CPLX1: variants seen among roughly 807,000 people sequenced by gnomAD.
The protein encoded by CPLX1 is complexin-1.
Under a neutral mutation model 15.6 loss-of-function variants are expected in CPLX1, and 6 were observed. The ratio of observed to expected loss-of-function variants is 0.39; its 90% CI spans 0.21 to 0.76. The LOEUF (loss-of-function observed/expected upper bound fraction) is 0.76. Among genes scored for constraint, CPLX1 ranks in the 30% least tolerant of loss-of-function variants. The pLI is 0.43. For missense variants in CPLX1, 242 were observed against 188.6 expected, an observed-to-expected ratio of 1.28 and a Z score of -1.66; for synonymous variants, 91 against 75.2, an observed-to-expected ratio of 1.21 and a Z score of -1.08.
chr4:799,056 T>C (rs1254823599), intron 2 of CPLX1, among the ~76,000 whole-genome samples: 1 of 152,254 alleles, frequency 6.6e-6, no homozygotes, highest in Non-Finnish European at 1.5e-5. Context: ...GCCCTTGTTA[T>C]AATGTTGGGG....
At chr4:788,704 T>C (rs867007553) in intron 3 of CPLX1, among the ~76,000 whole-genome samples, 1 of 151,692 alleles carries the variant, frequency 6.6e-6, no homozygotes, top group Non-Finnish European at 1.5e-5. Context: ...CTTCGTCCTG[T>C]GGGGCCAGGG....
rs1577465516 is a variant in CPLX1, at chr4:786,467, C to T, written c.*34G>A. The T allele has an allele frequency of 6.6e-7, 1 of 1,512,678 alleles. No homozygotes were observed. Among genetic ancestry groups the T allele is most frequent in the Non-Finnish European group, 8.9e-7 (1 of 1,125,170 alleles). 93.7% of individuals were successfully genotyped at this position (1,512,678 alleles called of 1,614,324 possible). A position where few individuals can be genotyped will look rare whatever the true frequency, so the allele number is the denominator to read the frequency against. ...CGCGGAGGATCTGTAGGGGGAGGGGCGGGGGCTCCGCGGGGCCGCTGTCCC... is the reference window on the plus strand; with the variant it reads ...CGCGGAGGATCTGTAGGGGGAGGGGTGGGGGCTCCGCGGGGCCGCTGTCCC... On this transcript the variant is annotated 3_prime_UTR_variant, in exon 4 of 4. Transcript: ENST00000304062.
chr4:811,090 C>T (rs1262634557), intron 2 of CPLX1, among the ~76,000 whole-genome samples: 2 of 152,146 alleles, frequency 1.3e-5, no homozygotes, highest in Admixed American at 6.5e-5. Flanking sequence ...GCCTTGAACT[C>T]TTGGGCTTAA....
intron 2 of CPLX1, among the ~76,000 whole-genome samples, chr4:812,102 T>C (rs1277237849): frequency 6.6e-6 from 1 of 152,100 alleles, no homozygotes; most frequent in African/African-American, 2.4e-5. Flanking sequence ...TGAGACAGAG[T>C]CTTGCTCTGT....
chr4:795,059 G>C (rs893625821), intron 2 of CPLX1, among the ~76,000 whole-genome samples: 1 of 152,242 alleles, frequency 6.6e-6, no homozygotes, highest in Non-Finnish European at 1.5e-5. Context: ...GCTCCCCGCA[G>C]GCTGCAAAGC....
chr4:825,890 AAGC>A (rs1746975388), intron 1 of CPLX1, among the ~76,000 whole-genome samples, 153 bp downstream of exon 1: 1 of 10,378 alleles, frequency 9.6e-5, no homozygotes, highest in African/African-American at 4.7e-4. Flanking sequence ...GAGCTGGGCG[AAGC>A]CGGGGCCGCG....
chr4:787,192 A>AG, intron 3 of CPLX1: 6 of 985,274 alleles, frequency 6.1e-6, no homozygotes, highest in Non-Finnish European at 7.2e-6. Context: ...CGGCCCCAGC[A>AG]GGGCCACTCC....
rs1327333025 is a variant in CPLX1, at chr4:786,456, A to C, written c.*45T>G. On this transcript the variant is annotated 3_prime_UTR_variant, in exon 4 of 4. Coordinates refer to ENST00000304062, the MANE Select transcript of CPLX1 (RefSeq NM_006651.4). Reference sequence around the variant, plus strand: ...TCAGGGGCCTCCGCGGAGGATCTGTAGGGGGAGGGGCGGGGGCTCCGCGGG... The same window carrying C: ...TCAGGGGCCTCCGCGGAGGATCTGTCGGGGGAGGGGCGGGGGCTCCGCGGG... 3 of 1,477,548 alleles carry C rather than the reference A, an allele frequency of 2.0e-6. No homozygotes were observed. In the African/African-American group the frequency reaches 4.4e-5, roughly 22 times the overall value. The allele number at this position is 1,477,548 out of a possible 1,614,324, so 91.5% of individuals were successfully genotyped here.
At chr4:821,535 G>T (rs1051204707) in intron 2 of CPLX1, among the ~76,000 whole-genome samples, 1 of 152,200 alleles carries the variant, frequency 6.6e-6, no homozygotes, top group Admixed American at 6.5e-5. Flanking sequence ...GCCCCATGAG[G>T]GTCTGCAGTG....
At chr4:814,164 G>A (rs1036069088) in intron 2 of CPLX1, among the ~76,000 whole-genome samples, 2 of 151,958 alleles carry the variant, frequency 1.3e-5, no homozygotes, top group Admixed American at 6.6e-5. Flanking sequence ...GCAAATACAA[G>A]GGACCCACAC....
intron 2 of CPLX1, among the ~76,000 whole-genome samples, chr4:807,637 G>A (rs1243835325): frequency 6.6e-6 from 1 of 151,954 alleles, no homozygotes; most frequent in African/African-American, 2.4e-5. Flanking sequence ...ACCATGCCCG[G>A]CCAATTTTTT....
chr4:822,436 CTG>C (rs763507380), intron 2 of CPLX1, among the ~76,000 whole-genome samples: 27 of 152,168 alleles, frequency 1.8e-4, no homozygotes, highest in Non-Finnish European at 2.6e-4. Context: ...CCCTCTGCCT[CTG>C]TCTCTGACGT....
rs557058297 is a variant in CPLX1, at chr4:819,311, C to G, written c.31+5181G>C. On this transcript the variant is annotated intron_variant, in intron 2 of 3. Transcript: ENST00000304062. The stretch of plus-strand genomic sequence containing the variant: ...ATAATTGAGTTGCAGCTTAATCAAC[C>G]AAGAGCATCCTCTCTGGAGGAAAGG... Among the ~76,000 whole-genome samples, 288 of 152,314 alleles carry G rather than the reference C, an allele frequency of 1.9e-3. 1 individual carries two copies. Among genetic ancestry groups the G allele is most frequent in the African/African-American group, 6.6e-3 (276 of 41,570 alleles).
At chr4:804,860 GA>G (rs1746525104) in intron 2 of CPLX1, 1 of 943,408 alleles carries the variant, frequency 1.1e-6, no homozygotes, top group Non-Finnish European at 1.3e-6. Context: ...GCCTCCACGG[GA>G]AAGGTGGGCG....
At chr4:792,254 G>A (rs968507249) in intron 3 of CPLX1, among the ~76,000 whole-genome samples, 179 bp downstream of exon 3, 4 of 152,178 alleles carry the variant, frequency 2.6e-5, no homozygotes, top group African/African-American at 9.7e-5. Flanking sequence ...GCCCCACAGA[G>A]GGAGCCCAAC....
intron 2 of CPLX1, among the ~76,000 whole-genome samples, chr4:811,437 C>G (rs1021018744): frequency 2.6e-5 from 4 of 152,194 alleles, no homozygotes; most frequent in African/African-American, 9.6e-5. Context: ...TGAGCCACTG[C>G]ACCCAGCCTC....
chr4:824,547 G>A lies in CPLX1; in HGVS notation c.-25C>T. ...TGGCGATTGCTCTGCTTCCACAGTG[G>A]CTCCTCCAGGGGTCAGAACTCACAC... On this transcript the variant is annotated 5_prime_UTR_variant, in exon 2 of 4. Coordinates refer to ENST00000304062, the MANE Select transcript of CPLX1 (RefSeq NM_006651.4). The A allele has an allele frequency of 6.2e-7, 1 of 1,612,482 alleles. No individual in the cohort carries two copies.
intron 2 of CPLX1, chr4:804,774 G>C: frequency 1.0e-6 from 1 of 985,490 alleles, no homozygotes; most frequent in African/African-American, 1.7e-5. Context: ...GGCTCGGGAA[G>C]TGCCTGCAGA....
intron 3 of CPLX1, chr4:787,297 T>C (rs970081474): frequency 1.6e-4 from 157 of 985,268 alleles, no homozygotes; most frequent in Non-Finnish European, 1.9e-4. Flanking sequence ...CGCCTAGTCG[T>C]GCCCTCAGCC....
Sources: allele counts gnomAD v4.1 joint callset (sites outside exome capture counted in the v4.1 genomes callset), GRCh38; gene constraint gnomAD v4.1.1; transcripts MANE v1.5; gene names NCBI Gene and HGNC (gene_info 2026-07-23, HGNC 2026-07-21).